The following LMO4 variants were observed in gnomAD, a reference collection of about 807,000 sequenced individuals.
LMO4 encodes the protein LIM domain only 4, also known as LIM domain transcription factor LMO4.
LMO4 carries 3 observed loss-of-function variants against 18.5 expected under a neutral mutation model. The ratio of observed to expected loss-of-function variants is 0.16; its 90% CI spans 0.07 to 0.42. The LOEUF is 0.42. LMO4 is among the 10% of genes least tolerant of loss of function. The probability of loss-of-function intolerance (pLI) is 0.99; values close to 1 mark genes in which losing one functional copy is unlikely to be tolerated. For missense variants in LMO4, 121 were observed against 219.9 expected, an observed-to-expected ratio of 0.55 and a Z score of 2.84; for synonymous variants, 100 against 88.1, an observed-to-expected ratio of 1.14 and a Z score of -0.76.
At chr1:87,335,560 G>T (rs929564762) in intron 2 of LMO4, among the ~76,000 whole-genome samples, 30 of 152,206 alleles carry the variant, frequency 2.0e-4, no homozygotes, top group African/African-American at 7.2e-4. Flanking sequence ...CAGTGAGCCC[G>T]GCGCGGCCGG....
Position 87,330,651 on chromosome 1 carries a change from G to T in LMO4, c.-3-1362G>T, listed in dbSNP as rs147880555. 6.6e-3 allele frequency among the ~76,000 whole-genome samples: 1,007 copies of T among 152,180 alleles called. 12 individuals are homozygous for T. The highest frequency in any genetic ancestry group is 0.021 in the African/African-American group (877 of 41,526). On this transcript the variant is annotated intron_variant, in intron 1 of 4. Transcript: ENST00000370544. ...TCGTTCCTTCCTCGTTTTTTTTGCAGCAGCCAAGTTGGGCCGGGTACAGGC... is the reference window on the plus strand; with the variant it reads ...TCGTTCCTTCCTCGTTTTTTTTGCATCAGCCAAGTTGGGCCGGGTACAGGC...
Position 87,340,094 on chromosome 1 carries a change from G to T in LMO4, c.381G>T (p.Arg127=). The change falls in exon 4 of 5, where the codon CGG becomes CGT. Residue 127 remains arginine (R), a synonymous_variant. Coordinates refer to ENST00000370544, the MANE Select transcript of LMO4 (RefSeq NM_006769.4). ...TCRNRLVPGD[R]FHYINGSLFC... Reference sequence around the variant, plus strand: ...GGAATCGCCTGGTCCCGGGAGATCGGTTTCACTACATCAATGGCAGTTTAT... The same window carrying T: ...GGAATCGCCTGGTCCCGGGAGATCGTTTTCACTACATCAATGGCAGTTTAT... 1 of 1,614,128 alleles carries T rather than the reference G, an allele frequency of 6.2e-7. No individual in the cohort carries two copies. Among genetic ancestry groups the T allele is most frequent in the South Asian group, 1.1e-5 (1 of 91,082 alleles).
intron 3 of LMO4, 85 bp from the exon 4 acceptor site, chr1:87,339,962 C>G: frequency 1.4e-6 from 2 of 1,426,004 alleles, no homozygotes; most frequent in East Asian, 2.3e-5. Flanking sequence ...TGACAGATAC[C>G]TGCTTAATAA....
chr1:87,331,861 C>G (rs957847860), intron 1 of LMO4, 152 bp from the exon 2 acceptor site: 2 of 622,692 alleles, frequency 3.2e-6, no homozygotes, highest in Admixed American at 5.9e-5. Flanking sequence ...TCCCTCTCCC[C>G]CTCAGCCTCC....
chr1:87,331,952 C>T, intron 1 of LMO4, 61 bp from the exon 2 acceptor site: 2 of 1,358,992 alleles, frequency 1.5e-6, no homozygotes, highest in Non-Finnish European at 2.1e-6. Flanking sequence ...CCGGCGATTA[C>T]TAACTTTTGC....
intron 1 of LMO4, among the ~76,000 whole-genome samples, chr1:87,329,900 C>T (rs1650084410): frequency 6.6e-6 from 1 of 152,134 alleles, no homozygotes; most frequent in East Asian, 1.9e-4. Context: ...GCAGATTTTG[C>T]CTCTAGCTGC....
chr1:87,346,216 A>G lies in LMO4; in HGVS notation c.*1420A>G, dbSNP rs1323300642. 2 of 152,212 alleles carry G rather than the reference A, an allele frequency of 1.3e-5. No homozygotes were observed. Among genetic ancestry groups the G allele is most frequent in the African/African-American group, 2.4e-5 (1 of 41,424 alleles). The allele number at this position is 152,212 out of a possible 1,614,324, so 9.4% of individuals were successfully genotyped here. On this transcript the variant is annotated 3_prime_UTR_variant, in exon 5 of 5. Coordinates refer to ENST00000370544, the MANE Select transcript of LMO4 (RefSeq NM_006769.4). The stretch of plus-strand genomic sequence containing the variant: ...GCGTTTCCGTATGTATTTTGGGGGA[A>G]GATTCTGACTTCATTTAGTCTTAGT...
chr1:87,329,458 C>A (rs1053418692), intron 1 of LMO4, among the ~76,000 whole-genome samples: 1 of 152,008 alleles, frequency 6.6e-6, no homozygotes, highest in African/African-American at 2.4e-5. Context: ...AGCTTTGTAG[C>A]GGTTCCTGCT....
Position 87,332,097 on chromosome 1 carries a change from G to C in LMO4, c.82G>C (p.Gly28Arg). 6.2e-7 allele frequency: 1 copy of C among 1,613,998 alleles called. No homozygotes were observed. Among genetic ancestry groups the C allele is most frequent in the African/African-American group, 1.3e-5 (1 of 75,048 alleles). The change falls in exon 2 of 5, where the codon GGC (glycine) becomes CGC (arginine). Residue 28 changes from glycine to arginine, a missense_variant. Gly to Arg is a moderately radical substitution (Grantham distance 125). Coordinates refer to ENST00000370544, the MANE Select transcript of LMO4 (RefSeq NM_006769.4). Reference sequence around the variant, plus strand: ...CTGGAAGCGGTGCGCAGGCTGCGGGGGCAAGATTGCGGACCGCTTTCTGCT... The same window carrying C: ...CTGGAAGCGGTGCGCAGGCTGCGGGCGCAAGATTGCGGACCGCTTTCTGCT... Reference protein sequence around the residue: ...LSWKRCAGCGGKIADRFLLYA... With the variant: ...LSWKRCAGCGRKIADRFLLYA...
At position 87,330,325 on chromosome 1, in the gene LMO4, T is replaced by C. The variant is rs192109654; in HGVS notation, c.-4+1081T>C. On this transcript the variant is annotated intron_variant, in intron 1 of 4. Transcript: ENST00000370544. The stretch of plus-strand genomic sequence containing the variant: ...GATTAAAACGTTGGGGGAAACAGTT[T>C]AAAGATCTAGGGCAGGAAATGCAGA... 1.3e-3 allele frequency among the ~76,000 whole-genome samples: 198 copies of C among 152,332 alleles called. 1 individual carries two copies. In the East Asian group the frequency reaches 0.034, roughly 26 times the overall value.
chr1:87,340,156 G>A lies in LMO4; in HGVS notation c.443G>A (p.Gly148Asp), dbSNP rs536416513. ...GATAGACCTACAGCTCTCATCAATG[G>A]CCATTTGAATTCACTTCAGAGCAAT... ...EHDRPTALIN[G>D]HLNSLQSNPL... The change falls in exon 4 of 5, where the codon GGC becomes GAC. Residue 148 changes from glycine (G) to aspartate (D), a missense_variant. Physicochemically the swap from Gly to Asp is moderately conservative, Grantham distance 94 (BLOSUM62 -1). Transcript: ENST00000370544. The A allele has an allele frequency of 6.2e-7, 1 of 1,614,088 alleles. No individual in the cohort carries two copies. Among genetic ancestry groups the A allele is most frequent in the South Asian group, 1.1e-5 (1 of 91,076 alleles).
chr1:87,331,968 C>G (rs781209350), intron 1 of LMO4, 45 bp from the exon 2 acceptor site: 1 of 1,480,702 alleles, frequency 6.8e-7, no homozygotes, highest in Non-Finnish European at 9.3e-7. Context: ...TTTGCATCGC[C>G]CCTGTTTTGT....
At chr1:87,336,977 A>AAAACAC (rs1553157572) in intron 2 of LMO4, among the ~76,000 whole-genome samples, 9 of 151,768 alleles carry the variant, frequency 5.9e-5, no homozygotes, top group South Asian at 2.1e-4. Flanking sequence ...GTTGTGAAAA[A>AAAACAC]ACACACACAC....
At position 87,344,919 on chromosome 1, in the gene LMO4, G is replaced by T. The variant is rs1570270465; in HGVS notation, c.*123G>T. The T allele has an allele frequency of 4.4e-6, 4 of 900,040 alleles. No individual in the cohort carries two copies. Among genetic ancestry groups the T allele is most frequent in the African/African-American group, 1.7e-5 (1 of 59,868 alleles). The allele number at this position is 900,040 out of a possible 1,614,324, so 55.8% of individuals were successfully genotyped here. On this transcript the variant is annotated 3_prime_UTR_variant, in exon 5 of 5. Coordinates refer to ENST00000370544, the MANE Select transcript of LMO4 (RefSeq NM_006769.4). ...GCACCAGTGCCAGCTCCATGCCATT[G>T]CACCTTCTTTAGTCTTGATTGCCCT...
chr1:87,338,764 A>G (rs980143984), intron 2 of LMO4, among the ~76,000 whole-genome samples: 4 of 152,176 alleles, frequency 2.6e-5, no homozygotes, highest in African/African-American at 7.2e-5. Flanking sequence ...GCAAACACCC[A>G]GAGAGATATG....
Position 87,332,069 on chromosome 1 carries a change from C to T in LMO4, c.54C>T (p.Leu18=), listed in dbSNP as rs895986709. The change falls in exon 2 of 5, where the codon CTC becomes CTT. Residue 18 remains leucine, a synonymous_variant. Coordinates refer to ENST00000370544, the MANE Select transcript of LMO4 (RefSeq NM_006769.4). The part of the protein sequence containing the change: ...SQPPPVTAGS[L]SWKRCAGCGG... ...CGCCCCCGGTGACGGCCGGCTCCCT[C>T]TCCTGGAAGCGGTGCGCAGGCTGCG... 1.9e-6 allele frequency: 3 copies of T among 1,613,740 alleles called. No individual in the cohort carries two copies. In the Admixed American group the frequency reaches 5.0e-5, roughly 27 times the overall value.
intron 2 of LMO4, among the ~76,000 whole-genome samples, chr1:87,338,153 A>G (rs1374704461): frequency 6.6e-6 from 1 of 152,216 alleles, no homozygotes; most frequent in African/African-American, 2.4e-5. Flanking sequence ...TAAAGTGGCG[A>G]CAGCAAATTA....
Position 87,348,834 on chromosome 1 carries a change from T to G in LMO4, c.*4038T>G, listed in dbSNP as rs1650709279. 2.1e-6 allele frequency: 1 copy of G among 478,904 alleles called. No individual in the cohort carries two copies. The highest frequency in any genetic ancestry group is 6.1e-5 in the East Asian group (1 of 16,484). 29.7% of individuals were successfully genotyped at this position (478,904 alleles called of 1,614,324 possible). ...CAACTCGGAGGCCTCAAGCCAATAA[T>G]GTACTACAGGCCCTGACATGTTACA... On this transcript the variant is annotated 3_prime_UTR_variant, in exon 5 of 5. Transcript: ENST00000370544.
In LMO4 at chr1:87,329,227, A is replaced by G. The variant is rs1048044983; in HGVS notation, c.-21A>G. The G allele has an allele frequency of 6.6e-6, 1 of 152,302 alleles. No homozygotes were observed. The highest frequency in any genetic ancestry group is 2.4e-5 in the African/African-American group (1 of 41,384). 9.4% of individuals were successfully genotyped at this position (152,302 alleles called of 1,614,324 possible). A position where few individuals can be genotyped will look rare whatever the true frequency, so the allele number is the denominator to read the frequency against. On this transcript the variant is annotated 5_prime_UTR_variant, in exon 1 of 5. Coordinates refer to ENST00000370544, the MANE Select transcript of LMO4 (RefSeq NM_006769.4). ...CCGCCGCCGCCTCTCGCAATATTGC[A>G]ATATAGGGGAAAAGCAGGTAAGGGG... is the stretch of plus-strand genomic sequence containing the variant.
Sources: gnomAD v4.1 joint callset for allele counts (sites outside exome capture counted in the v4.1 genomes callset) on GRCh38, gnomAD v4.1.1 for gene constraint, MANE v1.5 for transcripts, NCBI Gene and HGNC (gene_info 2026-07-23, HGNC 2026-07-21) for gene names.